Variants in PSMD14 observed in about 807,000 individuals in gnomAD.
PSMD14 encodes the protein proteasome 26S subunit, non-ATPase 14, also known as ubiquitin C-terminal hydrolase PSMD14.
PSMD14 carries 7 observed loss-of-function variants against 41.2 expected under a neutral mutation model. That is an observed-to-expected ratio of 0.17 (90% confidence interval 0.10 to 0.32). The LOEUF (loss-of-function observed/expected upper bound fraction) is 0.32, where lower values mean the gene tolerates loss of function less well. PSMD14 is among the 10% of genes least tolerant of loss of function. The pLI, the probability that PSMD14 is intolerant of heterozygous loss-of-function variation, is 1.00. For missense variants in PSMD14, 139 were observed against 375.6 expected (o/e 0.37, Z 5.21); for synonymous variants, 114 against 122.3 (o/e 0.93, Z 0.45).
At chr2:161,389,623 A>C (rs1457136616) in intron 8 of PSMD14, among the ~76,000 whole-genome samples, 3 of 152,054 alleles carry the variant, frequency 2.0e-5, no homozygotes, top group Non-Finnish European at 4.4e-5. Context: ...CTATTGTTAA[A>C]GTACTCATCT....
intron 3 of PSMD14, among the ~76,000 whole-genome samples, chr2:161,355,715 C>T (rs1188802359): frequency 1.3e-5 from 2 of 152,026 alleles, no homozygotes; most frequent in East Asian, 1.9e-4. Context: ...TGTATTAACT[C>T]ATTTATGTTT....
intron 3 of PSMD14, among the ~76,000 whole-genome samples, chr2:161,359,596 G>A (rs1683261151): frequency 6.6e-6 from 1 of 151,974 alleles, no homozygotes; most frequent in African/African-American, 2.4e-5. Context: ...AGCCCACTGT[G>A]CCCATCTAGA....
Position 161,342,946 on chromosome 2 carries a change from T to C in PSMD14, c.48+24073T>C, listed in dbSNP as rs796858199. ...TTCAAGTGATATACTACTTTATTTA[T>C]AGCATGTGAATGTTATAATAATATA... On this transcript the variant is annotated intron_variant, in intron 3 of 11. Coordinates refer to ENST00000409682, the MANE Select transcript of PSMD14 (RefSeq NM_005805.6). Among the ~76,000 whole-genome samples the C allele has an allele frequency of 6.7e-4, 102 of 152,334 alleles. 1 individual carries two copies. The highest frequency in any genetic ancestry group is 2.4e-3 in the African/African-American group (98 of 41,582).
intron 7 of PSMD14, among the ~76,000 whole-genome samples, chr2:161,374,305 T>C (rs915904331): frequency 2.0e-5 from 3 of 152,014 alleles, no homozygotes. Flanking sequence ...TTATGTATTA[T>C]ATATTAATTG....
chr2:161,403,853 T>C (rs1214389660), intron 10 of PSMD14, among the ~76,000 whole-genome samples: 3 of 152,122 alleles, frequency 2.0e-5, no homozygotes, highest in South Asian at 2.1e-4. Context: ...AAATGAGTGC[T>C]ATTTACTCCT....
intron 8 of PSMD14, among the ~76,000 whole-genome samples, chr2:161,388,788 TTATATA>T (rs1350823793): frequency 6.6e-6 from 1 of 152,118 alleles, no homozygotes; most frequent in Non-Finnish European, 1.5e-5. Context: ...CATGAATAGC[TTATATA>T]TAATCCGTAA....
chr2:161,316,126 G>A (rs1164543862), intron 1 of PSMD14, among the ~76,000 whole-genome samples: 1 of 152,186 alleles, frequency 6.6e-6, no homozygotes, highest in Non-Finnish European at 1.5e-5. Flanking sequence ...TTACAGGCGT[G>A]AGCCACTGCG....
At chr2:161,368,324 A>G (rs1683386461) in intron 5 of PSMD14, among the ~76,000 whole-genome samples, 1 of 152,134 alleles carries the variant, frequency 6.6e-6, no homozygotes, top group Non-Finnish European at 1.5e-5. Context: ...CATTTAAAAA[A>G]TGTTCTATAT....
At chr2:161,358,480 T>C (rs1034845440) in intron 3 of PSMD14, among the ~76,000 whole-genome samples, 1 of 152,108 alleles carries the variant, frequency 6.6e-6, no homozygotes, top group African/African-American at 2.4e-5. Context: ...GGGTGAGGGA[T>C]AAAAACCGTG....
chr2:161,338,323 G>A (rs1397625636), intron 3 of PSMD14, among the ~76,000 whole-genome samples: 1 of 146,416 alleles, frequency 6.8e-6, no homozygotes, highest in Non-Finnish European at 1.5e-5. Context: ...CAGTTATATT[G>A]TAGGTAGGGT....
intron 3 of PSMD14, among the ~76,000 whole-genome samples, chr2:161,321,980 T>C (rs1167843740): frequency 6.6e-6 from 1 of 152,134 alleles, no homozygotes; most frequent in African/African-American, 2.4e-5. Flanking sequence ...AAACTCAAAA[T>C]TCAAATCTCC....
intron 3 of PSMD14, among the ~76,000 whole-genome samples, chr2:161,322,328 A>G (rs1682619531): frequency 1.3e-5 from 2 of 152,190 alleles, no homozygotes; most frequent in African/African-American, 4.8e-5. Context: ...TGCCTTTAAT[A>G]TAACCCAGTA....
chr2:161,358,849 G>A (rs1683245391), intron 3 of PSMD14, among the ~76,000 whole-genome samples: 1 of 152,190 alleles, frequency 6.6e-6, no homozygotes, highest in Non-Finnish European at 1.5e-5. Context: ...GCTGAGGCAA[G>A]AGAGTCACTT....
chr2:161,343,074 C>G (rs904468332), intron 3 of PSMD14, among the ~76,000 whole-genome samples: 1 of 152,100 alleles, frequency 6.6e-6, no homozygotes, highest in South Asian at 2.1e-4. Flanking sequence ...TGTGATCATA[C>G]ATATGTAACA....
chr2:161,390,085 C>G (rs1486025802), intron 8 of PSMD14, among the ~76,000 whole-genome samples: 1 of 150,946 alleles, frequency 6.6e-6, no homozygotes, highest in Non-Finnish European at 1.5e-5. Context: ...CCTTACAGTA[C>G]TATGAAGATT....
intron 5 of PSMD14, among the ~76,000 whole-genome samples, chr2:161,369,901 C>G (rs1275723744): frequency 1.3e-5 from 2 of 152,088 alleles, no homozygotes; most frequent in East Asian, 3.9e-4. Context: ...TGAAAGTGGG[C>G]TTAACTCGAT....
At position 161,371,727 on chromosome 2, in the gene PSMD14, CATT is replaced by C. The variant is rs1483756359; in HGVS notation, c.462+408_462+410del. On this transcript the variant is annotated intron_variant, in intron 7 of 11. Coordinates refer to ENST00000409682, the MANE Select transcript of PSMD14 (RefSeq NM_005805.6). ...TATTTAAAGGGCATTGTTTTGCAGACATTATGCAGGACATATTCTGGAGGTGTG... is the reference window on the plus strand; with the variant it reads ...TATTTAAAGGGCATTGTTTTGCAGACATGCAGGACATATTCTGGAGGTGTG... Among the ~76,000 whole-genome samples, 4 of 152,226 alleles carry C rather than the reference CATT, an allele frequency of 2.6e-5. No homozygotes were observed. In the East Asian group the frequency reaches 5.8e-4, roughly 22 times the overall value.
At chr2:161,386,785 T>G (rs1683641431) in intron 8 of PSMD14, among the ~76,000 whole-genome samples, 1 of 151,950 alleles carries the variant, frequency 6.6e-6, no homozygotes, top group Non-Finnish European at 1.5e-5. Flanking sequence ...CAAGCCAAGA[T>G]CATTGTGATT....
intron 7 of PSMD14, chr2:161,382,115 G>A (rs1288097273): frequency 6.6e-6 from 1 of 151,798 alleles, no homozygotes; most frequent in Non-Finnish European, 1.5e-5. Flanking sequence ...AGTGGTGTGT[G>A]ATTGTGTTTA....
Sources: gnomAD v4.1 joint callset for allele counts (sites outside exome capture counted in the v4.1 genomes callset) on GRCh38, gnomAD v4.1.1 for gene constraint, MANE v1.5 for transcripts, NCBI Gene and HGNC (gene_info 2026-07-23, HGNC 2026-07-21) for gene names.